The following COX10 variants were observed in gnomAD, a reference collection of about 807,000 sequenced individuals.
COX10 encodes the protein protoheme IX farnesyltransferase, mitochondrial.
A neutral mutation model predicts 37.3 loss-of-function variants in COX10; 27 were observed. That is an observed-to-expected ratio of 0.72 (90% CI 0.53 to 1.00). The LOEUF is 1.00. COX10 is among the 50% of genes least tolerant of loss of function. The pLI is 0.00. For synonymous variants in COX10, 222 were observed against 229.1 expected (o/e 0.97, Z 0.28); for missense variants, 475 against 563.2 (o/e 0.84, Z 1.59).
chr17:14,126,418 A>T (rs567171636), intron 4 of COX10, among the ~76,000 whole-genome samples: 1 of 152,304 alleles, frequency 6.6e-6, no homozygotes, highest in African/African-American at 2.4e-5. Context: ...CGTATATTTT[A>T]AAAATAAATT....
chr17:14,191,642 G>T (rs62052067), intron 5 of COX10, among the ~76,000 whole-genome samples: 5 of 152,168 alleles, frequency 3.3e-5, no homozygotes, highest in African/African-American at 1.2e-4. Flanking sequence ...ACCCTAGGAG[G>T]AAAAGATGAT....
At chr17:14,205,192 C>T (rs777983684) in intron 6 of COX10, among the ~76,000 whole-genome samples, 34 of 152,188 alleles carry the variant, frequency 2.2e-4, no homozygotes, top group Non-Finnish European at 3.7e-4. Flanking sequence ...ATATATAGTT[C>T]TGTGACTCCT....
At chr17:14,181,870 T>G (rs1056913124) in intron 5 of COX10, among the ~76,000 whole-genome samples, 1 of 152,160 alleles carries the variant, frequency 6.6e-6, no homozygotes, top group African/African-American at 2.4e-5. Context: ...AATTCCGAAG[T>G]CTTTGTACAA....
At chr17:14,078,619 G>A (rs192632967) in intron 3 of COX10, among the ~76,000 whole-genome samples, 49 of 152,200 alleles carry the variant, frequency 3.2e-4, no homozygotes, top group African/African-American at 1.2e-3. Flanking sequence ...TGGAAACACG[G>A]GAGGCTGTTG....
chr17:14,130,542 C>A (rs1916440961), intron 4 of COX10, among the ~76,000 whole-genome samples: 1 of 151,710 alleles, frequency 6.6e-6, no homozygotes, highest in Non-Finnish European at 1.5e-5. Context: ...TATTTAAACT[C>A]AGCTCTTTCA....
chr17:14,102,346 A>G (rs555003598), intron 4 of COX10, 104 bp downstream of exon 4: 1 of 1,526,714 alleles, frequency 6.6e-7, no homozygotes, highest in South Asian at 1.1e-5. Flanking sequence ...TTGATGGAGA[A>G]GCATTTGTAA....
chr17:14,103,867 C>T (rs560544529), intron 4 of COX10, among the ~76,000 whole-genome samples: 6 of 152,100 alleles, frequency 3.9e-5, no homozygotes, highest in East Asian at 1.9e-4. Context: ...CTATAGGGAG[C>T]GAGTTGGATT....
chr17:14,154,161 T>C (rs1413390073), intron 4 of COX10, among the ~76,000 whole-genome samples: 1 of 152,204 alleles, frequency 6.6e-6, no homozygotes, highest in African/African-American at 2.4e-5. Context: ...AAACATGACA[T>C]AACATTTTGG....
At chr17:14,113,057 A>G (rs559551438) in intron 4 of COX10, among the ~76,000 whole-genome samples, 9 of 152,274 alleles carry the variant, frequency 5.9e-5, no homozygotes, top group African/African-American at 1.9e-4. Flanking sequence ...TAGACTCTGC[A>G]TGATCTGATT....
At chr17:14,117,374 G>GTGAT (rs1223451074) in intron 4 of COX10, among the ~76,000 whole-genome samples, 12 of 152,296 alleles carry the variant, frequency 7.9e-5, no homozygotes, top group African/African-American at 2.9e-4. Context: ...GTGTGAGGTG[G>GTGAT]TGATTTAACT....
At chr17:14,092,765 TTAAG>T (rs1169489154) in intron 3 of COX10, among the ~76,000 whole-genome samples, 2 of 152,146 alleles carry the variant, frequency 1.3e-5, no homozygotes, top group Non-Finnish European at 2.9e-5. Context: ...ATGAAAATCA[TTAAG>T]TACAGCTATT....
At chr17:14,199,644 C>T (rs1297510583) in intron 6 of COX10, among the ~76,000 whole-genome samples, 1 of 152,200 alleles carries the variant, frequency 6.6e-6, no homozygotes, top group Non-Finnish European at 1.5e-5. Context: ...GCAAAGAATT[C>T]TTCAAGGGCA....
chr17:14,149,496 GTC>G (rs1325776153), intron 4 of COX10, among the ~76,000 whole-genome samples: 1 of 152,144 alleles, frequency 6.6e-6, no homozygotes, highest in East Asian at 1.9e-4. Flanking sequence ...GTGTCTTTGT[GTC>G]TCTCTACCAG....
intron 3 of COX10, among the ~76,000 whole-genome samples, chr17:14,083,510 T>C (rs1915344535): frequency 6.6e-6 from 1 of 152,186 alleles, no homozygotes; most frequent in Non-Finnish European, 1.5e-5. Flanking sequence ...TTCCCTCCTT[T>C]TGTTTATAGC....
rs1234862165 is a variant in COX10, at chr17:14,202,177, C to CA, written c.929-4632dup. The stretch of plus-strand genomic sequence containing the variant: ...CCTCTACCCAGAGCACCCAACAGTC[C>CA]ACTGATGTGGGAATGTCACAAACTT... On this transcript the variant is annotated intron_variant, in intron 6 of 6. Transcript: ENST00000261643. 2.0e-5 allele frequency among the ~76,000 whole-genome samples: 3 copies of CA among 151,328 alleles called. No homozygotes were observed. In the South Asian group the frequency reaches 6.3e-4, roughly 32 times the overall value.
At chr17:14,105,924 C>G (rs1915882664) in intron 4 of COX10, among the ~76,000 whole-genome samples, 1 of 152,018 alleles carries the variant, frequency 6.6e-6, no homozygotes, top group South Asian at 2.1e-4. Context: ...ACATATATAT[C>G]ATACATATAT....
At chr17:14,073,341 G>A (rs1020276343) in intron 1 of COX10, among the ~76,000 whole-genome samples, 1 of 152,244 alleles carries the variant, frequency 6.6e-6, no homozygotes, top group African/African-American at 2.4e-5. Flanking sequence ...TTGATAACAG[G>A]AGAGTTCAGG....
At chr17:14,186,814 A>G (rs1906042602) in intron 5 of COX10, among the ~76,000 whole-genome samples, 1 of 152,068 alleles carries the variant, frequency 6.6e-6, no homozygotes. Flanking sequence ...AGCAAGTTGT[A>G]TTACACCAGT....
chr17:14,081,565 C>T (rs1416352850), intron 3 of COX10, among the ~76,000 whole-genome samples: 2 of 152,156 alleles, frequency 1.3e-5, no homozygotes, highest in East Asian at 3.9e-4. Context: ...ATTCTAAAGT[C>T]AGATTCCCTG....
Sources: allele counts gnomAD v4.1 joint callset (sites outside exome capture counted in the v4.1 genomes callset), GRCh38; gene constraint gnomAD v4.1.1; transcripts MANE v1.5; gene names NCBI Gene and HGNC (gene_info 2026-07-23, HGNC 2026-07-21).